The following MAN1A1 variants were observed in gnomAD, a reference collection of about 807,000 sequenced individuals.
MAN1A1 encodes the protein mannosidase alpha class 1A member 1, also known as mannosyl-oligosaccharide 1,2-alpha-mannosidase IA.
A neutral mutation model predicts 70.8 loss-of-function variants in MAN1A1; 29 were observed. That is an observed-to-expected ratio of 0.41 (90% confidence interval 0.31 to 0.56). The LOEUF is 0.56. Among genes scored for constraint, MAN1A1 ranks in the 20% least tolerant of loss-of-function variants. The probability of loss-of-function intolerance (pLI) is 0.29; values close to 1 mark genes in which losing one functional copy is unlikely to be tolerated. For synonymous variants in MAN1A1, 349 were observed against 330.1 expected, an observed-to-expected ratio of 1.06 and a Z score of -0.62; for missense variants, 747 against 841.3, an observed-to-expected ratio of 0.89 and a Z score of 1.39.
chr6:119,329,690 G>C (rs1773255179), intron 2 of MAN1A1, among the ~76,000 whole-genome samples: 1 of 152,168 alleles, frequency 6.6e-6, no homozygotes, highest in Non-Finnish European at 1.5e-5. Context: ...GCAGTGCCCA[G>C]CAAGTATTCT....
chr6:119,278,338 A>C (rs1402302143), intron 5 of MAN1A1, among the ~76,000 whole-genome samples: 1 of 152,202 alleles, frequency 6.6e-6, no homozygotes, highest in Non-Finnish European at 1.5e-5. Flanking sequence ...TTCTACTGCC[A>C]ACTCTAATTA....
intron 5 of MAN1A1, among the ~76,000 whole-genome samples, chr6:119,287,046 A>C (rs1776394110): frequency 6.6e-6 from 1 of 152,090 alleles, no homozygotes; most frequent in Non-Finnish European, 1.5e-5. Flanking sequence ...ACTTTGAGGA[A>C]GACTTCTAGC....
rs139384102 is a variant in MAN1A1, at chr6:119,261,980, G to A, written c.898-13626C>T. On this transcript the variant is annotated intron_variant, in intron 5 of 12. Transcript: ENST00000368468. The stretch of plus-strand genomic sequence containing the variant: ...GTGGAAAAAACATAGGCGGGCAAGG[G>A]TTAAAAGGGAAATAACAGAAGTGAT... Among the ~76,000 whole-genome samples, 678 of 152,270 alleles carry A rather than the reference G, an allele frequency of 4.5e-3. 5 individuals carry two copies. Among genetic ancestry groups the A allele is most frequent in the African/African-American group, 0.015 (640 of 41,548 alleles).
At chr6:119,283,505 A>C (rs1259126676) in intron 5 of MAN1A1, among the ~76,000 whole-genome samples, 1 of 152,168 alleles carries the variant, frequency 6.6e-6, no homozygotes, top group African/African-American at 2.4e-5. Flanking sequence ...AGAGCCATAA[A>C]CAATGAACTA....
intron 6 of MAN1A1, among the ~76,000 whole-genome samples, chr6:119,209,400 C>T (rs542744353): frequency 1.3e-5 from 2 of 152,270 alleles, no homozygotes; most frequent in Non-Finnish European, 2.9e-5. Context: ...AAACTTCATT[C>T]AAGTTCATAG....
At chr6:119,241,947 TA>T (rs1775020435) in intron 6 of MAN1A1, among the ~76,000 whole-genome samples, 1 of 5,776 alleles carries the variant, frequency 1.7e-4, no homozygotes, top group Admixed American at 7.1e-4. Context: ...TGTGTGTATG[TA>T]TGTGTGTGTG....
At chr6:119,305,464 C>G (rs925291663) in intron 3 of MAN1A1, among the ~76,000 whole-genome samples, 2 of 133,062 alleles carry the variant, frequency 1.5e-5, no homozygotes, top group Non-Finnish European at 3.4e-5. Flanking sequence ...TCATACCTCC[C>G]CTTACCCATG....
rs1773904050 is a variant in MAN1A1 at position 119,207,551 on chromosome 6, T to C, written c.993-2669A>G. Among the ~76,000 whole-genome samples the C allele has an allele frequency of 3.3e-5, 5 of 152,198 alleles. No individual in the cohort carries two copies. The South Asian group carries it at 1.0e-3, about 32-fold the overall frequency. On this transcript the variant is annotated intron_variant, in intron 6 of 12. Coordinates refer to ENST00000368468, the MANE Select transcript of MAN1A1 (RefSeq NM_005907.4). ...ACCACATGCCGCCACAGCTGAAATG[T>C]GTCTGTGTGTCTCAGAGAAATGGCT... is the stretch of plus-strand genomic sequence containing the variant.
Position 119,259,249 on chromosome 6 carries a change from G to A in MAN1A1, c.898-10895C>T, listed in dbSNP as rs115271139. Among the ~76,000 whole-genome samples, 612 of 152,272 alleles carry A rather than the reference G, an allele frequency of 4.0e-3. 5 individuals carry two copies. The highest frequency in any genetic ancestry group is 0.014 in the African/African-American group (576 of 41,568). ...ATTTTGTAAACAGTTACCTGCACAA[G>A]GATCTGATAAGTCAAATGTCCTTCC... On this transcript the variant is annotated intron_variant, in intron 5 of 12. Coordinates refer to ENST00000368468, the MANE Select transcript of MAN1A1 (RefSeq NM_005907.4).
chr6:119,309,673 C>G (rs1772648051), intron 2 of MAN1A1, among the ~76,000 whole-genome samples: 1 of 152,082 alleles, frequency 6.6e-6, no homozygotes, highest in Non-Finnish European at 1.5e-5. Flanking sequence ...TGAAAGCAAG[C>G]CAAAGATGTT....
intron 9 of MAN1A1, among the ~76,000 whole-genome samples, chr6:119,192,265 G>A (rs1393160392): frequency 6.6e-6 from 1 of 152,106 alleles, no homozygotes; most frequent in Non-Finnish European, 1.5e-5. Flanking sequence ...ATAAAATATG[G>A]AGAACTCCCC....
At chr6:119,346,484 T>C (rs1295387) in intron 2 of MAN1A1, among the ~76,000 whole-genome samples, 1,817 of 152,350 alleles carry the variant, frequency 0.012, 32 homozygotes, top group African/African-American at 0.041. Flanking sequence ...TTAGTTCCAC[T>C]GCTTTATGCA....
intron 5 of MAN1A1, among the ~76,000 whole-genome samples, chr6:119,251,596 C>G (rs1166233120): frequency 6.6e-6 from 1 of 152,190 alleles, no homozygotes; most frequent in East Asian, 1.9e-4. Context: ...GTCTTTGATA[C>G]AGATCTCTAA....
intron 10 of MAN1A1, among the ~76,000 whole-genome samples, chr6:119,188,949 G>A (rs1773365970): frequency 6.6e-6 from 1 of 152,110 alleles, no homozygotes; most frequent in African/African-American, 2.4e-5. Flanking sequence ...TTTCTGATCT[G>A]CAGTTGTGGA....
At chr6:119,338,304 T>C (rs1490671774) in intron 2 of MAN1A1, among the ~76,000 whole-genome samples, 2 of 151,822 alleles carry the variant, frequency 1.3e-5, no homozygotes, top group East Asian at 3.8e-4. Context: ...TTAAAAAACA[T>C]GACTAAAAAC....
chr6:119,349,439 T>G, intron 1 of MAN1A1, 103 bp downstream of exon 1: 1 of 917,076 alleles, frequency 1.1e-6, no homozygotes. Flanking sequence ...GCCCACTCTC[T>G]GGACTTGGGG....
rs948027435 is a variant in MAN1A1 at position 119,197,497 on chromosome 6, C to A, written c.1211-3605G>T. On this transcript the variant is annotated intron_variant, in intron 8 of 12. Transcript: ENST00000368468. ...TAGGAAGATGCATATGGATGTGAAT[C>A]ATCAGGAAAAGGTTTGTGATAGGAA... 3.3e-5 allele frequency among the ~76,000 whole-genome samples: 5 copies of A among 152,082 alleles called. 1 individual carries two copies. The highest frequency in any genetic ancestry group is 3.3e-4 in the Admixed American group (5 of 15,270).
intron 5 of MAN1A1, among the ~76,000 whole-genome samples, chr6:119,283,220 G>A (rs1172470525): frequency 6.6e-6 from 1 of 152,130 alleles, no homozygotes; most frequent in African/African-American, 2.4e-5. Flanking sequence ...CCTACCCCAA[G>A]CCTTCCAGGC....
At chr6:119,298,818 A>C (rs1474327341) in intron 4 of MAN1A1, among the ~76,000 whole-genome samples, 1 of 151,850 alleles carries the variant, frequency 6.6e-6, no homozygotes, top group South Asian at 2.1e-4. Flanking sequence ...GGATGGTCTT[A>C]ATCTCCTGAC....
Sources: allele counts gnomAD v4.1 joint callset (sites outside exome capture counted in the v4.1 genomes callset), GRCh38; gene constraint gnomAD v4.1.1; transcripts MANE v1.5; gene names NCBI Gene and HGNC (gene_info 2026-07-23, HGNC 2026-07-21).